SFMBT2: variants seen among roughly 807,000 people sequenced by gnomAD.
The protein encoded by SFMBT2 is scm-like with four MBT domains protein 2.
Under a neutral mutation model 110.1 loss-of-function variants are expected in SFMBT2, and 38 were observed. The ratio of observed to expected loss-of-function variants is 0.35; its 90% CI spans 0.27 to 0.45. SFMBT2 has a LOEUF of 0.45. Ranked by LOEUF, SFMBT2 falls within the 20% of genes least tolerant of loss-of-function variation. The pLI is 1.00. For synonymous variants in SFMBT2, 425 were observed against 425.4 expected (o/e 1.00, Z 0.01); for missense variants, 1,011 against 1,094.9 (o/e 0.92, Z 1.08).
At chr10:7,410,409 G>A (rs755296859) in intron 1 of SFMBT2, among the ~76,000 whole-genome samples, 1 of 152,234 alleles carries the variant, frequency 6.6e-6, no homozygotes, top group African/African-American at 2.4e-5. Flanking sequence ...GGAGCGCGGG[G>A]TAGGTAGCAG....
At chr10:7,232,314 ACTC>A (rs1310297015) in intron 9 of SFMBT2, among the ~76,000 whole-genome samples, 1 of 152,086 alleles carries the variant, frequency 6.6e-6, no homozygotes, top group African/African-American at 2.4e-5. Context: ...TTAAAAAAAA[ACTC>A]CTACCCTTTG....
At chr10:7,224,330 T>C (rs1839839799) in intron 10 of SFMBT2, among the ~76,000 whole-genome samples, 1 of 152,152 alleles carries the variant, frequency 6.6e-6, no homozygotes, top group Non-Finnish European at 1.5e-5. Context: ...ACCTACATGA[T>C]TCAGGAATCA....
intron 1 of SFMBT2, among the ~76,000 whole-genome samples, chr10:7,410,121 G>A (rs1846332748): frequency 6.6e-6 from 1 of 152,216 alleles, no homozygotes; most frequent in South Asian, 2.1e-4. Context: ...AATTTTGAAA[G>A]GGGGTCGAAT....
intron 1 of SFMBT2, among the ~76,000 whole-genome samples, chr10:7,403,284 C>T (rs558556055): frequency 1.3e-5 from 2 of 152,300 alleles, no homozygotes; most frequent in African/African-American, 2.4e-5. Flanking sequence ...CTCAATCAAA[C>T]TCCTTATCAA....
At chr10:7,329,401 G>A (rs565640753) in intron 4 of SFMBT2, 407 of 976,540 alleles carry the variant, frequency 4.2e-4, no homozygotes, top group East Asian at 2.3e-3. Flanking sequence ...AGCCATCAGC[G>A]CAGCACAGCA....
chr10:7,218,030 A>G (rs1175982368), intron 11 of SFMBT2, among the ~76,000 whole-genome samples: 5 of 152,268 alleles, frequency 3.3e-5, no homozygotes, highest in Middle Eastern at 3.2e-3. Context: ...AAGAGAAGTC[A>G]GATATTAACT....
chr10:7,299,908 A>C (rs534865407), intron 4 of SFMBT2, among the ~76,000 whole-genome samples: 1 of 152,330 alleles, frequency 6.6e-6, no homozygotes, highest in African/African-American at 2.4e-5. Context: ...CCAAATACCC[A>C]TCAATGGTAG....
In SFMBT2 at chr10:7,293,210, A is replaced by T. The variant is rs563228429; in HGVS notation, c.437-7256T>A. Among the ~76,000 whole-genome samples the T allele has an allele frequency of 6.6e-6, 1 of 151,974 alleles. No individual in the cohort carries two copies. Among genetic ancestry groups the T allele is most frequent in the South Asian group, 2.1e-4 (1 of 4,798 alleles). ...ATTACAGGCACCCACCACCATCTCC[A>T]GCCTCAGCTTCCCGAGTAGCTGGGA... On this transcript the variant is annotated intron_variant, in intron 4 of 20. Coordinates refer to ENST00000397167, the MANE Select transcript of SFMBT2 (RefSeq NM_001387889.1). This position sits in a 1 kb window ranked among gnomAD's most constrained non-coding sequence, Gnocchi z 4.6.
At chr10:7,174,525 T>C (rs577294823) in intron 17 of SFMBT2, among the ~76,000 whole-genome samples, 16 of 152,250 alleles carry the variant, frequency 1.1e-4, no homozygotes, top group Non-Finnish European at 2.2e-4. Flanking sequence ...ACATTCATTA[T>C]AAATTAACCC....
At chr10:7,407,251 C>T (rs551765453) in intron 1 of SFMBT2, among the ~76,000 whole-genome samples, 1 of 151,928 alleles carries the variant, frequency 6.6e-6, no homozygotes, top group Non-Finnish European at 1.5e-5. Flanking sequence ...CTCCCCACCC[C>T]CAACAGCCTC....
intron 9 of SFMBT2, among the ~76,000 whole-genome samples, chr10:7,242,283 TG>T (rs1490175457): frequency 2.0e-5 from 3 of 152,088 alleles, no homozygotes; most frequent in Non-Finnish European, 2.9e-5. Flanking sequence ...ACTGAAGCAG[TG>T]ATGTGGCTCA....
intron 4 of SFMBT2, among the ~76,000 whole-genome samples, chr10:7,333,744 C>G (rs1166148093): frequency 6.6e-6 from 1 of 150,832 alleles, no homozygotes; most frequent in African/African-American, 2.4e-5. Context: ...CTCCCCAACA[C>G]CCCGCAAGGC....
At chr10:7,331,306 T>C (rs895128248) in intron 4 of SFMBT2, among the ~76,000 whole-genome samples, 1 of 152,226 alleles carries the variant, frequency 6.6e-6, no homozygotes, top group Non-Finnish European at 1.5e-5. Flanking sequence ...ATGGGTAATT[T>C]TTTAATAGGG....
intron 15 of SFMBT2, among the ~76,000 whole-genome samples, chr10:7,194,313 A>G (rs1838700633): frequency 6.6e-6 from 1 of 152,288 alleles, no homozygotes; most frequent in Middle Eastern, 3.4e-3. Context: ...CCATCAAGTG[A>G]GTAGAGCCAT....
chr10:7,233,480 C>G (rs1239960963), intron 9 of SFMBT2, among the ~76,000 whole-genome samples: 2 of 152,222 alleles, frequency 1.3e-5, no homozygotes, highest in Admixed American at 6.5e-5. Context: ...AATGTTTACT[C>G]TATTAAATGT....
intron 4 of SFMBT2, among the ~76,000 whole-genome samples, chr10:7,315,098 AAG>A (rs1842969433): frequency 6.9e-6 from 1 of 145,792 alleles, no homozygotes; most frequent in African/African-American, 2.5e-5. Flanking sequence ...GAAAGAAAGA[AAG>A]AAAGAAAGAA....
chr10:7,304,013 T>C (rs1292328589), intron 4 of SFMBT2, among the ~76,000 whole-genome samples: 1 of 152,068 alleles, frequency 6.6e-6, no homozygotes, highest in Non-Finnish European at 1.5e-5. Flanking sequence ...CCACGATAAA[T>C]GAAGTGCTCT....
chr10:7,176,200 G>A (rs755630545), intron 16 of SFMBT2, 35 bp from the exon 17 acceptor site: 13 of 1,606,250 alleles, frequency 8.1e-6, no homozygotes, highest in African/African-American at 1.3e-5. Flanking sequence ...GCGAGGGCAA[G>A]ACCAGATTAT....
rs866451872 is a variant in SFMBT2, at chr10:7,170,613, C to T, written c.2544+315G>A. ...GGAGATGGCAGGGGGAGCGTGGACT[C>T]GCACCCCTCACCTGGCAGCAACAGG... On this transcript the variant is annotated intron_variant, in intron 20 of 20. Transcript: ENST00000397167. This position sits in a 1 kb window ranked among gnomAD's most constrained non-coding sequence, Gnocchi z 4.6. Among the ~76,000 whole-genome samples the T allele has an allele frequency of 2.6e-5, 4 of 152,012 alleles. No homozygotes were observed. The highest frequency in any genetic ancestry group is 5.9e-5 in the Non-Finnish European group (4 of 67,982).
Sources: allele counts gnomAD v4.1 joint callset (sites outside exome capture counted in the v4.1 genomes callset), GRCh38; gene constraint gnomAD v4.1.1; non-coding constraint Gnocchi (gnomAD v3.1); transcripts MANE v1.5; gene names NCBI Gene and HGNC (gene_info 2026-07-23, HGNC 2026-07-21).